The following TAF1 variants were observed in gnomAD, a reference collection of about 807,000 sequenced individuals.
TAF1 encodes the protein TATA-box binding protein associated factor 1.
A neutral mutation model predicts 138.5 loss-of-function variants in TAF1; 2 were observed. That is an observed-to-expected ratio of 0.01 (90% CI 0.01 to 0.05). TAF1 has a LOEUF of 0.05. Among genes scored for constraint, TAF1 ranks in the 10% least tolerant of loss-of-function variants. The pLI is 1.00. For synonymous variants in TAF1, 437 were observed against 503.2 expected, an observed-to-expected ratio of 0.87 and a Z score of 1.76; for missense variants, 709 against 1,478.0, an observed-to-expected ratio of 0.48 and a Z score of 8.53.
Position 71,423,988 on chromosome X carries a change from T to G in TAF1, c.4590T>G (p.His1530Gln). 1 of 1,206,735 alleles carries G rather than the reference T, an allele frequency of 8.3e-7. No homozygotes were observed. Among genetic ancestry groups the G allele is most frequent in the Non-Finnish European group, 1.1e-6 (1 of 892,230 alleles). Residue 1530 changes from histidine to glutamine, a missense_variant, in exon 31 of 38, where the codon CAT (histidine) becomes CAG (glutamine). By Grantham distance (24) the His-to-Gln change is conservative. Transcript: ENST00000423759. Reference protein sequence around the residue: ...MMAVPDSWPFHHPVNKKFVPD... With the variant: ...MMAVPDSWPFQHPVNKKFVPD... Reference sequence around the variant, plus strand: ...CTATTTACTAGTCTTGGCCATTTCATCACCCAGTTAATAAGAAATTTGTTC... The same window carrying G: ...CTATTTACTAGTCTTGGCCATTTCAGCACCCAGTTAATAAGAAATTTGTTC...
At chrX:71,400,080 G>GT (rs887376119) in intron 24 of TAF1, among the ~76,000 whole-genome samples, 14 of 105,285 alleles carry the variant, frequency 1.3e-4, no homozygotes, top group African/African-American at 2.4e-4. Context: ...GGTTTGGTAG[G>GT]TTTTTTTTTG....
intron 3 of TAF1, among the ~76,000 whole-genome samples, chrX:71,373,088 G>A (rs759791674): frequency 4.6e-5 from 5 of 109,135 alleles, no homozygotes; most frequent in African/African-American, 6.7e-5. Flanking sequence ...GGGTGGTCTC[G>A]ATCTCCTGAC....
intron 13 of TAF1, among the ~76,000 whole-genome samples, chrX:71,518,174 C>T (rs2039856898): frequency 9.1e-6 from 1 of 109,750 alleles, no homozygotes; most frequent in African/African-American, 3.3e-5. Context: ...TAAGAAATCA[C>T]TTTGTTTGTT....
At chrX:71,483,289 A>C (rs748643210) in intron 13 of TAF1, among the ~76,000 whole-genome samples, 4 of 108,169 alleles carry the variant, frequency 3.7e-5, no homozygotes, top group African/African-American at 1.3e-4. Context: ...CGCCTGGCCA[A>C]GAAACCACTT....
chrX:71,423,948 A>G, intron 30 of TAF1, 26 bp from the exon 31 acceptor site: 1 of 1,130,435 alleles, frequency 8.8e-7, no homozygotes, highest in African/African-American at 1.8e-5. Context: ...GTTTCCATTT[A>G]ATTTCTTATG....
chrX:71,381,997 A>C, intron 9 of TAF1, 78 bp downstream of exon 9: 6 of 1,062,800 alleles, frequency 5.6e-6, no homozygotes, highest in Non-Finnish European at 7.4e-6. Flanking sequence ...AGGAAATCAG[A>C]AGGGTTGGAG....
intron 20 of TAF1, 131 bp from the exon 21 acceptor site, chrX:71,393,170 T>C (rs748831360): frequency 1.8e-4 from 190 of 1,067,590 alleles, no homozygotes; most frequent in Non-Finnish European, 2.2e-4. Flanking sequence ...GGGTGATTTT[T>C]CTTTTTTGGT....
intron 32 of TAF1, among the ~76,000 whole-genome samples, chrX:71,447,341 T>A (rs889109684): frequency 1.8e-5 from 2 of 110,894 alleles, no homozygotes; most frequent in Non-Finnish European, 3.8e-5. Flanking sequence ...ACAAATCCCC[T>A]CTTCTCCTTG....
rs143373908 is a variant in TAF1 at position 71,495,289 on chromosome X, G to A, written c.1367-33253G>A. 9.8e-5 allele frequency among the ~76,000 whole-genome samples: 11 copies of A among 111,761 alleles called. No homozygotes were observed. The East Asian group carries it at 2.8e-3, about 29-fold the overall frequency. On this transcript the variant is annotated intron_variant and NMD_transcript_variant, in intron 13 of 14. Coordinates refer to the TAF1 transcript ENST00000373775. ...GTTGAACTCATTTGGGATTCCATTT[G>A]TAAGACCATCTGTAGCTTGATGGCC...
chrX:71,465,149 A>G lies in TAF1; in HGVS notation c.*1103A>G, dbSNP rs1198946347. On this transcript the variant is annotated 3_prime_UTR_variant, in exon 38 of 38. Transcript: ENST00000423759. Reference sequence around the variant, plus strand: ...TTACTGAGCATCTGCTTTTCATGATAAGCACTCTATCAGATCCTTGGGATG... The same window carrying G: ...TTACTGAGCATCTGCTTTTCATGATGAGCACTCTATCAGATCCTTGGGATG... The G allele has an allele frequency of 8.9e-6, 1 of 111,799 alleles. No homozygotes were observed. Among genetic ancestry groups the G allele is most frequent in the Admixed American group, 9.6e-5 (1 of 10,422 alleles). The allele number at this position is 111,799 out of a possible 1,213,427, so 9.2% of individuals were successfully genotyped here. A position where few individuals can be genotyped will look rare whatever the true frequency, so the allele number is the denominator to read the frequency against.
chrX:71,510,503 G>C (rs970919058), intron 13 of TAF1, among the ~76,000 whole-genome samples: 1 of 111,793 alleles, frequency 8.9e-6, no homozygotes, highest in Non-Finnish European at 1.9e-5. Flanking sequence ...TTCAAATTCT[G>C]AGGGCAGCCA....
chrX:71,425,182 A>G (rs1823524465), intron 32 of TAF1, among the ~76,000 whole-genome samples: 1 of 111,344 alleles, frequency 9.0e-6, no homozygotes, highest in Non-Finnish European at 1.9e-5. Flanking sequence ...GCTATAGACC[A>G]TGGTGAGCTT....
Position 71,387,308 on chromosome X carries a change from G to A in TAF1, c.2274G>A (p.Met758Ile). 8.3e-7 allele frequency: 1 copy of A among 1,211,844 alleles called. No individual in the cohort carries two copies. Residue 758 changes from methionine (M) to isoleucine (I), a missense_variant, in exon 15 of 38, where the codon ATG (methionine) becomes ATA (isoleucine). This residue lies in a region of TAF1 where 201 missense variants were observed against 421.3 expected (regional missense o/e 0.48). Coordinates refer to ENST00000423759, the MANE Select transcript of TAF1 (RefSeq NM_004606.5). ...GTGCTCCAATTTATCTTCATAAGAT[G>A]CCAGAAACTGATTTCTTGATCATTC... ...LFRAPIYLHK[M>I]PETDFLIIRT...
chrX:71,397,599 C>T (rs2034926262), intron 23 of TAF1, 133 bp downstream of exon 23: 1 of 728,314 alleles, frequency 1.4e-6, no homozygotes, highest in African/African-American at 2.2e-5. Context: ...TCTCATGCCT[C>T]AACTTCCAGA....
chrX:71,483,146 C>T (rs200715341), intron 13 of TAF1, among the ~76,000 whole-genome samples: 59 of 84,264 alleles, frequency 7.0e-4, no homozygotes, highest in Admixed American at 1.3e-3. Flanking sequence ...TTTTTTTTTT[C>T]TTTTCTTTTT....
chrX:71,390,717 C>A (rs886602670), intron 18 of TAF1, among the ~76,000 whole-genome samples: 4 of 111,590 alleles, frequency 3.6e-5, no homozygotes, highest in African/African-American at 1.3e-4. Context: ...GTCTCACGGC[C>A]GGGCGCGGTG....
chrX:71,406,326 CAA>C (rs1173763080), intron 25 of TAF1, among the ~76,000 whole-genome samples: 8 of 31,426 alleles, frequency 2.5e-4, no homozygotes, highest in Admixed American at 4.0e-4. Flanking sequence ...AACTACATCT[CAA>C]AAAAAAAAAA....
At chrX:71,518,675 A>G (rs2039865664) in intron 13 of TAF1, among the ~76,000 whole-genome samples, 1 of 105,650 alleles carries the variant, frequency 9.5e-6, no homozygotes, top group African/African-American at 3.5e-5. Context: ...TTATTACAAA[A>G]TTCTTTTCTT....
At chrX:71,523,078 A>T (rs2039932977) in intron 13 of TAF1, among the ~76,000 whole-genome samples, 1 of 103,577 alleles carries the variant, frequency 9.7e-6, no homozygotes, top group African/African-American at 3.6e-5. Context: ...ACCACTCAGG[A>T]GGCTGAGGCA....
Sources: gnomAD v4.1 joint callset for allele counts (sites outside exome capture counted in the v4.1 genomes callset) on GRCh38, gnomAD v4.1.1 for gene constraint, gnomAD v4.1.1 regional missense constraint, MANE v1.5 for transcripts, NCBI Gene and HGNC (gene_info 2026-07-23, HGNC 2026-07-21) for gene names.